Variants in CEP290 observed in about 807,000 individuals in gnomAD.
CEP290 encodes centrosomal protein of 290 kDa.
In CEP290, 317 loss-of-function variants were observed where a neutral mutation model predicts 344.9. The observed-to-expected ratio is 0.92, with a 90% CI of 0.84 to 1.01. The LOEUF is 1.01. Ranked by LOEUF, CEP290 falls within the 50% of genes least tolerant of loss-of-function variation. The pLI is 0.00. For missense variants in CEP290, 2,754 were observed against 2,761.4 expected (o/e 1.00, Z 0.06); for synonymous variants, 932 against 895.8 (o/e 1.04, Z -0.72).
At chr12:88,096,751 A>T (rs2037461224) in intron 27 of CEP290, 137 bp downstream of exon 27, 1 of 544,762 alleles carries the variant, frequency 1.8e-6, no homozygotes, top group African/African-American at 2.0e-5. Context: ...TGCCTAAGTT[A>T]AATTATTAGG....
Position 88,060,032 on chromosome 12 carries a change from A to C in CEP290, c.6523-12T>G, listed in dbSNP as rs761172645. 14 of 1,521,624 alleles carry C rather than the reference A, an allele frequency of 9.2e-6. No individual in the cohort carries two copies. The highest frequency in any genetic ancestry group is 1.1e-5 in the Non-Finnish European group (13 of 1,135,952). The allele number at this position is 1,521,624 out of a possible 1,614,324, so 94.3% of individuals were successfully genotyped here. On this transcript the variant is annotated splice_polypyrimidine_tract_variant and intron_variant, in intron 47 of 53. Coordinates refer to ENST00000552810, the MANE Select transcript of CEP290 (RefSeq NM_025114.4). ...TTTTCTAATTCAGCCTAGTAAAAAA[A>C]CAAACAAAATAAAAAGTATACATTA...
chr12:88,120,133 C>A lies in CEP290; in HGVS notation c.1503G>T (p.Glu501Asp). ...GCTTACCCACACGCTCTCTAAGTGCCTCATTTTCATCAAGGAAATCACTGA... is the reference window on the plus strand; with the variant it reads ...GCTTACCCACACGCTCTCTAAGTGCATCATTTTCATCAAGGAAATCACTGA... ...LKISDFLDEN[E>D]ALRERVGLEP... Residue 501 changes from glutamate to aspartate, a missense_variant, in exon 15 of 54, where the codon GAG becomes GAT. Glu to Asp is a conservative substitution (Grantham distance 45). Coordinates refer to ENST00000552810, the MANE Select transcript of CEP290 (RefSeq NM_025114.4). 1 of 1,548,664 alleles carries A rather than the reference C, an allele frequency of 6.5e-7. No homozygotes were observed. Among genetic ancestry groups the A allele is most frequent in the South Asian group, 1.3e-5 (1 of 79,832 alleles).
At position 88,130,475 on chromosome 12, in the gene CEP290, C is replaced by T. The variant is rs7309960; in HGVS notation, c.517-55G>A. On this transcript the variant is annotated intron_variant, in intron 8 of 53. Coordinates refer to ENST00000552810, the MANE Select transcript of CEP290 (RefSeq NM_025114.4). Reference sequence around the variant, plus strand: ...ACAAAACTATTCAGAATAACAAAATCATATCCTCTAAATAGTGCTCTCACA... The same window carrying T: ...ACAAAACTATTCAGAATAACAAAATTATATCCTCTAAATAGTGCTCTCACA... 1,487 of 1,595,988 alleles carry T rather than the reference C, an allele frequency of 9.3e-4. 15 individuals carry two copies. In the African/African-American group the frequency reaches 0.017, roughly 19 times the overall value.
At position 88,129,037 on chromosome 12, in the gene CEP290, T is replaced by C. The variant is rs2039902653; in HGVS notation, c.853-2A>G. ...CAGAAGATCTGTAAGCTCCTGCACCTAAAAGACAAAGTTATTTCAAGAGTT... is the reference window on the plus strand; with the variant it reads ...CAGAAGATCTGTAAGCTCCTGCACCCAAAAGACAAAGTTATTTCAAGAGTT... On this transcript the variant is annotated splice_acceptor_variant, in intron 10 of 53. Transcript: ENST00000552810. LOFTEE classifies it high-confidence loss of function. The C allele has an allele frequency of 1.4e-6, 2 of 1,394,374 alleles. No homozygotes were observed. The highest frequency in any genetic ancestry group is 1.9e-6 in the Non-Finnish European group (2 of 1,078,640). The allele number at this position is 1,394,374 out of a possible 1,614,324, so 86.4% of individuals were successfully genotyped here. A position where few individuals can be genotyped will look rare whatever the true frequency, so the allele number is the denominator to read the frequency against.
chr12:88,081,299 T>C (rs2036183400), intron 37 of CEP290, among the ~76,000 whole-genome samples: 1 of 152,206 alleles, frequency 6.6e-6, no homozygotes, highest in Non-Finnish European at 1.5e-5. Context: ...AAAAGACTAA[T>C]ATAAATTTTC....
intron 37 of CEP290, among the ~76,000 whole-genome samples, chr12:88,082,169 G>C (rs1392112805): frequency 2.6e-5 from 4 of 152,102 alleles, no homozygotes; most frequent in African/African-American, 9.7e-5. Flanking sequence ...ATAATGATTA[G>C]AAACTACCTA....
intron 32 of CEP290, among the ~76,000 whole-genome samples, chr12:88,087,548 G>T (rs772673974): frequency 2.0e-5 from 3 of 151,364 alleles, no homozygotes; most frequent in Non-Finnish European, 2.9e-5. Context: ...GTGAAACCCC[G>T]TCTCTACTAA....
At chr12:88,063,838 G>C in intron 45 of CEP290, 143 bp downstream of exon 45, 1 of 661,880 alleles carries the variant, frequency 1.5e-6, no homozygotes. Flanking sequence ...AAATGCTAAA[G>C]AGCAAATGTA....
chr12:88,121,271 TC>T, intron 13 of CEP290, 105 bp from the exon 14 acceptor site: 1 of 745,346 alleles, frequency 1.3e-6, no homozygotes, highest in South Asian at 2.2e-5. Flanking sequence ...TAAAAAAAAA[TC>T]CTTTAAAGTT....
intron 18 of CEP290, chr12:88,115,763 C>T: frequency 3.1e-6 from 3 of 973,898 alleles, no homozygotes; most frequent in Non-Finnish European, 2.4e-6. Context: ...GAGAAAAACT[C>T]ACCTGAGATC....
Position 88,070,286 on chromosome 12 carries a change from G to A in CEP290, c.6011+1008C>T, listed in dbSNP as rs143441098. Among the ~76,000 whole-genome samples, 49 of 152,308 alleles carry A rather than the reference G, an allele frequency of 3.2e-4. No homozygotes were observed. In the East Asian group the frequency reaches 4.4e-3, roughly 14 times the overall value. ...CAATAGAATACCAGGACTTAAAGTA[G>A]CAGCAAACAGGTGATGAATTTACCT... On this transcript the variant is annotated intron_variant, in intron 43 of 53. Coordinates refer to ENST00000552810, the MANE Select transcript of CEP290 (RefSeq NM_025114.4).
At chr12:88,069,966 GA>G in intron 43 of CEP290, among the ~76,000 whole-genome samples, 1 of 152,214 alleles carries the variant, frequency 6.6e-6, no homozygotes, top group Admixed American at 6.5e-5. Context: ...GAGCGAAACA[GA>G]AGATTAAATA....
intron 30 of CEP290, 21 bp from the exon 31 acceptor site, chr12:88,089,508 T>C (rs902625691): frequency 7.2e-7 from 1 of 1,385,310 alleles, no homozygotes; most frequent in African/African-American, 1.5e-5. Flanking sequence ...AAAAAATATA[T>C]ATTTGTAGTA....
At chr12:88,135,195 A>C (rs2040287081) in intron 6 of CEP290, among the ~76,000 whole-genome samples, 1 of 152,186 alleles carries the variant, frequency 6.6e-6, no homozygotes, top group South Asian at 2.1e-4. Flanking sequence ...ACGGCAAAGA[A>C]GTAATTGCCA....
intron 47 of CEP290, 80 bp from the exon 48 acceptor site, chr12:88,060,100 C>A: frequency 8.3e-7 from 1 of 1,209,070 alleles, no homozygotes; most frequent in Non-Finnish European, 1.1e-6. Flanking sequence ...ACTCATAAAT[C>A]TTCAAAGTAG....
chr12:88,107,873 G>A (rs928624802), intron 23 of CEP290, among the ~76,000 whole-genome samples: 1 of 151,092 alleles, frequency 6.6e-6, no homozygotes, highest in Non-Finnish European at 1.5e-5. Context: ...CTGCACTCCA[G>A]CCTGGGTGAC....
intron 18 of CEP290, 127 bp downstream of exon 18, chr12:88,116,906 G>A (rs974098507): frequency 1.7e-4 from 83 of 485,388 alleles, no homozygotes; most frequent in Non-Finnish European, 2.7e-4. Context: ...CCCGGGAGGC[G>A]GAGCTTGCAG....
In CEP290 at chr12:88,125,264, C is replaced by T; in HGVS notation, c.1171G>A (p.Glu391Lys). 2.2e-6 allele frequency: 2 copies of T among 897,998 alleles called. No homozygotes were observed. Among genetic ancestry groups the T allele is most frequent in the Non-Finnish European group, 3.1e-6 (2 of 636,270 alleles). 55.6% of individuals were successfully genotyped at this position (897,998 alleles called of 1,614,324 possible). A position where few individuals can be genotyped will look rare whatever the true frequency, so the allele number is the denominator to read the frequency against. ...NTCIIEDLKN[E>K]LQRNKGASTL... is the part of the protein sequence containing the mutation. ...AAAATACCTTTGTTTCTTTGGAGCT[C>T]ATTTTTCAAATCTTCAATAATACAA... Residue 391 changes from glutamate to lysine, a missense_variant, in exon 13 of 54, where the codon GAG (glutamate) becomes AAG (lysine). Coordinates refer to ENST00000552810, the MANE Select transcript of CEP290 (RefSeq NM_025114.4).
chr12:88,097,326 T>G (rs574555345), intron 26 of CEP290, among the ~76,000 whole-genome samples: 6 of 152,002 alleles, frequency 3.9e-5, no homozygotes, highest in Non-Finnish European at 8.8e-5. Flanking sequence ...CCCCACGCTA[T>G]TCTCATAATA....
Sources: allele counts gnomAD v4.1 joint callset (sites outside exome capture counted in the v4.1 genomes callset), GRCh38; gene constraint gnomAD v4.1.1; transcripts MANE v1.5; gene names NCBI Gene and HGNC (gene_info 2026-07-23, HGNC 2026-07-21).